The following ABCA2 variants were observed in gnomAD, a reference collection of about 807,000 sequenced individuals.
ABCA2 encodes ATP binding cassette subfamily A member 2.
A neutral mutation model predicts 262.8 loss-of-function variants in ABCA2; 84 were observed. That is an observed-to-expected ratio of 0.32 (90% confidence interval 0.27 to 0.38). The LOEUF is 0.38. ABCA2 is among the 10% of genes least tolerant of loss of function. The probability of loss-of-function intolerance (pLI) is 1.00; values close to 1 mark genes in which losing one functional copy is unlikely to be tolerated. For synonymous variants in ABCA2, 1,696 were observed against 1,502.9 expected (o/e 1.13, Z -2.97); for missense variants, 2,662 against 3,405.9 (o/e 0.78, Z 5.44).
In ABCA2 at chr9:137,021,193, G is replaced by C. The variant is rs963322099; in HGVS notation, c.898-132C>G. 5 of 1,365,112 alleles carry C rather than the reference G, an allele frequency of 3.7e-6. No individual in the cohort carries two copies. The highest frequency in any genetic ancestry group is 3.9e-6 in the Non-Finnish European group (4 of 1,034,540). The allele number at this position is 1,365,112 out of a possible 1,614,324, so 84.6% of individuals were successfully genotyped here. On this transcript the variant is annotated intron_variant, in intron 8 of 48. Coordinates refer to ENST00000341511, the MANE Select transcript of ABCA2 (RefSeq NM_001606.5). This position sits in a 1 kb window ranked among gnomAD's most constrained non-coding sequence, Gnocchi z 6.0. ...GTGCTGGGAGGGAGTCTGCAGCCTG[G>C]GTAACGGGAGCCCAGGACAGGAGCT...
Position 137,008,473 on chromosome 9 carries a change from G to C in ABCA2, c.7218C>G (p.Asp2406Glu), listed in dbSNP as rs367773706. Residue 2406 changes from aspartate to glutamate, a missense_variant, in exon 48 of 49, where the codon GAC (aspartate) becomes GAG (glutamate). Around this residue, in one of 12 missense-constraint regions of ABCA2, gnomAD observed 212 missense variants for 214.4 expected, o/e 0.99. Coordinates refer to ENST00000341511, the MANE Select transcript of ABCA2 (RefSeq NM_001606.5). Reference protein sequence around the residue: ...APTELRALVADEPEDLDTEDE... With the variant: ...APTELRALVAEEPEDLDTEDE... ...CCTCCGTGTCCAGGTCCTCGGGCTC[G>C]TCTGCCACAAGTGCCCGGAGCTCCG... 7 of 1,566,866 alleles carry C rather than the reference G, an allele frequency of 4.5e-6. No homozygotes were observed. Among genetic ancestry groups the C allele is most frequent in the Non-Finnish European group, 6.1e-6 (7 of 1,156,554 alleles).
intron 5 of ABCA2, 87 bp downstream of exon 5, chr9:137,022,615 G>A: frequency 1.3e-6 from 2 of 1,556,278 alleles, no homozygotes; most frequent in South Asian, 1.2e-5. Context: ...GCAGGTGGAG[G>A]GGCCCAGAGT....
intron 40 of ABCA2, 82 bp downstream of exon 40, chr9:137,010,538 G>A (rs1830998804): frequency 3.9e-6 from 6 of 1,527,664 alleles, no homozygotes; most frequent in Admixed American, 1.7e-5. Context: ...GCCCACCCAG[G>A]CTCCACCTCC....
Position 137,028,061 on chromosome 9 carries a change from TG to T in ABCA2, c.66+13del, listed in dbSNP as rs1487285061. The T allele has an allele frequency of 1.0e-6, 1 of 982,506 alleles. No homozygotes were observed. The allele number at this position is 982,506 out of a possible 1,614,324, so 60.9% of individuals were successfully genotyped here. On this transcript the variant is annotated intron_variant, in intron 1 of 48. Coordinates refer to ENST00000341511, the MANE Select transcript of ABCA2 (RefSeq NM_001606.5). This position sits in a 1 kb window ranked among gnomAD's most constrained non-coding sequence, Gnocchi z 6.9. ...CGGCCTCGGGCTGAGGGCGGGCGCG[TG>T]GGGTGGGCTCACCGGGCTCCGGCGT...
intron 3 of ABCA2, 166 bp from the exon 4 acceptor site, chr9:137,023,218 G>C (rs887638598): frequency 3.1e-6 from 2 of 651,288 alleles, no homozygotes; most frequent in Non-Finnish European, 5.4e-6. Context: ...CCCCAGCTGG[G>C]CTACAGGCCA....
chr9:137,014,136 T>C (rs1239914108), intron 27 of ABCA2, 32 bp downstream of exon 27: 1 of 1,596,692 alleles, frequency 6.3e-7, no homozygotes, highest in Admixed American at 1.7e-5. Context: ...TCCCCCTCCC[T>C]TGCTGTCCCA....
chr9:137,023,910 G>T, intron 2 of ABCA2, 70 bp from the exon 3 acceptor site: 1 of 1,120,052 alleles, frequency 8.9e-7, no homozygotes, highest in African/African-American at 1.5e-5. Context: ...GAGGAGACCA[G>T]TGAGTGCCCA....
In ABCA2 at chr9:137,007,599, G is replaced by A; in HGVS notation, c.*330C>T. 2.2e-6 allele frequency: 1 copy of A among 452,782 alleles called. No individual in the cohort carries two copies. The highest frequency in any genetic ancestry group is 4.0e-6 in the Non-Finnish European group (1 of 248,358). 28.0% of individuals were successfully genotyped at this position (452,782 alleles called of 1,614,324 possible). A position where few individuals can be genotyped will look rare whatever the true frequency, so the allele number is the denominator to read the frequency against. On this transcript the variant is annotated 3_prime_UTR_variant, in exon 49 of 49. Coordinates refer to ENST00000341511, the MANE Select transcript of ABCA2 (RefSeq NM_001606.5). ...CCGAGGCCGGGCAGGAGAAAGGCCAGCAGTGCCTGGTCCAGCCGGCGTCGC... is the reference window on the plus strand; with the variant it reads ...CCGAGGCCGGGCAGGAGAAAGGCCAACAGTGCCTGGTCCAGCCGGCGTCGC...
chr9:137,015,665 C>G lies in ABCA2; in HGVS notation c.3514+10G>C. 6 of 1,609,296 alleles carry G rather than the reference C, an allele frequency of 3.7e-6. No homozygotes were observed. The highest frequency in any genetic ancestry group is 5.1e-6 in the Non-Finnish European group (6 of 1,178,494). On this transcript the variant is annotated intron_variant, in intron 23 of 48. Coordinates refer to ENST00000341511, the MANE Select transcript of ABCA2 (RefSeq NM_001606.5). ...CGCCCGCACCCCTGCCCACACGGCACCCCACTCACCTGGCTTGTACTTCAG... is the reference window on the plus strand; with the variant it reads ...CGCCCGCACCCCTGCCCACACGGCAGCCCACTCACCTGGCTTGTACTTCAG...
chr9:137,011,570 G>A lies in ABCA2; in HGVS notation c.5652-16C>T, dbSNP rs200797480. ...GATGGACCACCTGCGGGCAGGTGGCGGGCAGTGGTCACCAGGCAGCCCCGG... is the reference window on the plus strand; with the variant it reads ...GATGGACCACCTGCGGGCAGGTGGCAGGCAGTGGTCACCAGGCAGCCCCGG... On this transcript the variant is annotated splice_polypyrimidine_tract_variant and intron_variant, in intron 36 of 48. Coordinates refer to ENST00000341511, the MANE Select transcript of ABCA2 (RefSeq NM_001606.5). This position sits in a 1 kb window ranked among gnomAD's most constrained non-coding sequence, Gnocchi z 8.8. 5.5e-5 allele frequency: 86 copies of A among 1,567,538 alleles called. 1 individual carries two copies. The East Asian group carries it at 1.2e-3, about 22-fold the overall frequency.
At chr9:137,018,603 A>T in intron 13 of ABCA2, 116 bp downstream of exon 13, 4 of 520,876 alleles carry the variant, frequency 7.7e-6, no homozygotes, top group Non-Finnish European at 1.2e-5. Flanking sequence ...GTGGCGGGTG[A>T]GGGGGGAAGG....
rs1476645544 is a variant in ABCA2, at chr9:137,013,457, T to G, written c.4550+4A>C. The G allele has an allele frequency of 6.3e-6, 10 of 1,599,780 alleles. No homozygotes were observed. Among genetic ancestry groups the G allele is most frequent in the Non-Finnish European group, 8.5e-6 (10 of 1,175,698 alleles). On this transcript the variant is annotated splice_donor_region_variant and intron_variant, in intron 29 of 48. Transcript: ENST00000341511. ...ACCAAGGCTGCCCCCGCTGGAGGCC[T>G]CACCGGTACTCGCGGCGCTCCTCGT... is the stretch of plus-strand genomic sequence containing the variant.
chr9:137,014,754 CG>C lies in ABCA2; in HGVS notation c.3938del (p.Thr1313ArgfsTer24). On this transcript the variant is annotated frameshift_variant, in exon 26 of 49. Transcript: ENST00000341511. LOFTEE classifies it high-confidence loss of function. ...CCTTGAGGAACACTTCCTCCAGGGTCGTGTCCATCAGCCCGAAGCTGCTGAG... is the reference window on the plus strand; with the variant it reads ...CCTTGAGGAACACTTCCTCCAGGGTCTGTCCATCAGCCCGAAGCTGCTGAG... ...LHLSSFGLMD[T>X]TLEEVFLKVS... The C allele has an allele frequency of 6.2e-7, 1 of 1,600,784 alleles. No homozygotes were observed. The highest frequency in any genetic ancestry group is 1.1e-5 in the South Asian group (1 of 88,434).
Position 137,021,329 on chromosome 9 carries a change from C to T in ABCA2, c.897+63G>A. On this transcript the variant is annotated intron_variant, in intron 8 of 48. Coordinates refer to ENST00000341511, the MANE Select transcript of ABCA2 (RefSeq NM_001606.5). The surrounding 1 kb of genome is among the most constrained non-coding windows in gnomAD (Gnocchi z 6.0). ...GGAGCCCTGAGCTCTCCAAGCGGTC[C>T]CAGCCCCTCCTTCAACTCAGGCAGC... 6.3e-7 allele frequency: 1 copy of T among 1,576,336 alleles called. No homozygotes were observed. The highest frequency in any genetic ancestry group is 1.1e-5 in the South Asian group (1 of 88,472).
At chr9:137,012,678 C>T (rs1460499576) in intron 31 of ABCA2, 34 bp downstream of exon 31, 1 of 1,610,758 alleles carries the variant, frequency 6.2e-7, no homozygotes, top group Non-Finnish European at 8.5e-7. Flanking sequence ...TGGTGGCCGG[C>T]CACCCTCACC....
rs1831331180 is a variant in ABCA2, at chr9:137,018,271, C to T, written c.1900G>A (p.Glu634Lys). 1 of 1,610,188 alleles carries T rather than the reference C, an allele frequency of 6.2e-7. No homozygotes were observed. The highest frequency in any genetic ancestry group is 2.2e-5 in the East Asian group (1 of 44,732). ...YKIRQNSSFT[E>K]KTNEIRRAYW... Reference sequence around the variant, plus strand: ...GCGCGGCGGATCTCGTTGGTTTTCTCGGTGAAGCTGGAGTTCTGGCGGATC... The same window carrying T: ...GCGCGGCGGATCTCGTTGGTTTTCTTGGTGAAGCTGGAGTTCTGGCGGATC... Residue 634 changes from glutamate to lysine, a missense_variant, in exon 14 of 49, where the codon GAG becomes AAG. Coordinates refer to ENST00000341511, the MANE Select transcript of ABCA2 (RefSeq NM_001606.5).
Position 137,025,096 on chromosome 9 carries a change from T to C in ABCA2, c.67-860A>G, listed in dbSNP as rs186787070. ...CCCAAAGGCACCTCTTTCTGCCCTG[T>C]CCCCTCTCCTGACCCGGGGCAGCCA... On this transcript the variant is annotated intron_variant, in intron 1 of 48. Transcript: ENST00000341511. Among the ~76,000 whole-genome samples the C allele has an allele frequency of 6.8e-3, 1,034 of 152,324 alleles. 11 individuals carry two copies. Among genetic ancestry groups the C allele is most frequent in the African/African-American group, 0.024 (989 of 41,570 alleles).
intron 28 of ABCA2, 58 bp from the exon 29 acceptor site, chr9:137,013,621 A>G (rs1281075157): frequency 1.3e-6 from 2 of 1,515,974 alleles, no homozygotes; most frequent in East Asian, 2.3e-5. Flanking sequence ...GCGGCCCCCA[A>G]GCCTCGGTCC....
chr9:137,008,125 C>T, intron 48 of ABCA2, 161 bp from the exon 49 acceptor site: 1 of 951,448 alleles, frequency 1.1e-6, no homozygotes, highest in Non-Finnish European at 1.6e-6. Context: ...GGGCCTCCGT[C>T]TGCCGAGTCT....
Sources: allele counts gnomAD v4.1 joint callset (sites outside exome capture counted in the v4.1 genomes callset), GRCh38; gene constraint gnomAD v4.1.1; regional missense constraint gnomAD v4.1.1; non-coding constraint Gnocchi (gnomAD v3.1); transcripts MANE v1.5; gene names NCBI Gene and HGNC (gene_info 2026-07-23, HGNC 2026-07-21).